SCN11A: variants seen among roughly 807,000 people sequenced by gnomAD.
The protein encoded by SCN11A is sodium channel protein type 11 subunit alpha.
Under a neutral mutation model 162.2 loss-of-function variants are expected in SCN11A, and 122 were observed. The ratio of observed to expected loss-of-function variants is 0.75; its 90% CI spans 0.65 to 0.87. The LOEUF (loss-of-function observed/expected upper bound fraction) is 0.87. Among genes scored for constraint, SCN11A ranks in the 40% least tolerant of loss-of-function variants. The pLI is 0.00. For synonymous variants in SCN11A, 758 were observed against 751.5 expected (o/e 1.01, Z -0.14); for missense variants, 2,015 against 2,181.6 (o/e 0.92, Z 1.52).
At position 38,989,197 on chromosome 3, in the gene SCN11A, T is replaced by G. The variant is rs188931316; in HGVS notation, c.-279-28774A>C. Among the ~76,000 whole-genome samples the G allele has an allele frequency of 1.7e-3, 259 of 152,332 alleles. No homozygotes were observed. The Middle Eastern group carries it at 0.02, about 12-fold the overall frequency. On this transcript the variant is annotated intron_variant, in intron 2 of 29. Transcript: ENST00000302328. ...GTAGCGCTCTGGTCAACAGCCCTAG[T>G]TGAGCATCCACCTAGCAGCCAGCAT...
chr3:38,851,880 T>C (rs1039176075), intron 28 of SCN11A, among the ~76,000 whole-genome samples: 27 of 152,090 alleles, frequency 1.8e-4, no homozygotes, highest in African/African-American at 6.0e-4. Context: ...GCAAGAACCG[T>C]CAGAGAATTC....
chr3:39,036,511 G>A (rs1184327531), intron 1 of SCN11A, among the ~76,000 whole-genome samples: 5 of 152,134 alleles, frequency 3.3e-5, no homozygotes, highest in African/African-American at 4.8e-5. Flanking sequence ...GTGGGATCAC[G>A]TCAAGCTAAA....
chr3:38,911,676 T>C (rs2065889321), intron 11 of SCN11A, among the ~76,000 whole-genome samples: 1 of 152,224 alleles, frequency 6.6e-6, no homozygotes, highest in Admixed American at 6.5e-5. Flanking sequence ...TCTCAAATTT[T>C]CTGTTCTCTT....
chr3:39,041,035 T>C (rs1164938919), intron 1 of SCN11A, among the ~76,000 whole-genome samples: 2 of 152,158 alleles, frequency 1.3e-5, no homozygotes, highest in Admixed American at 6.5e-5. Context: ...TGAGCTGAGA[T>C]AGCGCCACTG....
intron 2 of SCN11A, among the ~76,000 whole-genome samples, chr3:39,014,016 T>C (rs898532947): frequency 5.9e-5 from 9 of 152,254 alleles, no homozygotes; most frequent in African/African-American, 2.2e-4. Context: ...TCACATCCTT[T>C]TTCCATTACC....
intron 22 of SCN11A, among the ~76,000 whole-genome samples, chr3:38,881,543 G>T (rs1347548669): frequency 4.6e-5 from 7 of 152,104 alleles, no homozygotes; most frequent in Non-Finnish European, 7.4e-5. Flanking sequence ...TTCTGACACA[G>T]GAAGCTCTTA....
chr3:38,980,121 C>CA (rs1491520052), intron 2 of SCN11A, among the ~76,000 whole-genome samples: 1 of 152,056 alleles, frequency 6.6e-6, no homozygotes, highest in Non-Finnish European at 1.5e-5. Flanking sequence ...AGGAAGCTCT[C>CA]AGAGGTGCAG....
chr3:38,873,384 C>T (rs1311670394), intron 23 of SCN11A, among the ~76,000 whole-genome samples: 1 of 152,086 alleles, frequency 6.6e-6, no homozygotes, highest in Non-Finnish European at 1.5e-5. Context: ...TTGCCAACCT[C>T]ATTGTAGTAG....
At chr3:38,984,408 C>A (rs1387776618) in intron 2 of SCN11A, among the ~76,000 whole-genome samples, 1 of 152,076 alleles carries the variant, frequency 6.6e-6, no homozygotes, top group Non-Finnish European at 1.5e-5. Flanking sequence ...ACCCTAAATC[C>A]AATATGGCAC....
intron 7 of SCN11A, among the ~76,000 whole-genome samples, chr3:38,942,921 G>C (rs1421907293): frequency 2.0e-5 from 3 of 152,142 alleles, no homozygotes; most frequent in Non-Finnish European, 2.9e-5. Flanking sequence ...CAGTTTATTA[G>C]AAAGTTACAT....
intron 2 of SCN11A, among the ~76,000 whole-genome samples, chr3:38,971,194 G>T (rs1415461528): frequency 1.3e-5 from 2 of 150,580 alleles, no homozygotes; most frequent in Admixed American, 1.3e-4. Flanking sequence ...TCTGTCTGCC[G>T]CCCAGGTTGG....
intron 25 of SCN11A, 110 bp downstream of exon 25, chr3:38,871,335 T>G: frequency 9.2e-7 from 1 of 1,089,262 alleles, no homozygotes. Context: ...GAATTAGGAT[T>G]TGCTTCTATT....
intron 28 of SCN11A, among the ~76,000 whole-genome samples, chr3:38,859,752 A>G (rs2064932620): frequency 6.6e-6 from 1 of 152,200 alleles, no homozygotes; most frequent in African/African-American, 2.4e-5. Context: ...AACTTTGGGA[A>G]GGAATTCAGT....
At chr3:39,004,032 C>T (rs2030895645) in intron 2 of SCN11A, among the ~76,000 whole-genome samples, 1 of 152,090 alleles carries the variant, frequency 6.6e-6, no homozygotes, top group Non-Finnish European at 1.5e-5. Flanking sequence ...TAATTAGATC[C>T]CACCTGTCAA....
intron 2 of SCN11A, among the ~76,000 whole-genome samples, chr3:38,992,982 A>C (rs1302334806): frequency 1.3e-5 from 2 of 152,262 alleles, no homozygotes; most frequent in African/African-American, 4.8e-5. Flanking sequence ...GGTCAGGTAC[A>C]GACATCCCCG....
At chr3:38,964,573 G>A (rs554066445) in intron 2 of SCN11A, among the ~76,000 whole-genome samples, 2 of 152,332 alleles carry the variant, frequency 1.3e-5, no homozygotes, top group South Asian at 4.1e-4. Flanking sequence ...TATGGCTTCC[G>A]AGAAGAGGTG....
At chr3:38,978,233 C>G (rs2066860852) in intron 2 of SCN11A, among the ~76,000 whole-genome samples, 1 of 152,198 alleles carries the variant, frequency 6.6e-6, no homozygotes, top group Non-Finnish European at 1.5e-5. Flanking sequence ...GCCATTTTTG[C>G]CACTTCTACC....
intron 2 of SCN11A, among the ~76,000 whole-genome samples, chr3:38,963,406 AT>A (rs2066758449): frequency 1.6e-5 from 1 of 63,246 alleles, no homozygotes; most frequent in Non-Finnish European, 2.7e-5. Flanking sequence ...ATATATATAT[AT>A]ATATATATAT....
intron 2 of SCN11A, among the ~76,000 whole-genome samples, chr3:39,020,163 A>T (rs746579061): frequency 2.0e-5 from 3 of 152,246 alleles, no homozygotes; most frequent in Non-Finnish European, 4.4e-5. Context: ...AAATAAAGAT[A>T]ATAAGTATCT....
Sources: gnomAD v4.1 joint callset for allele counts (sites outside exome capture counted in the v4.1 genomes callset) on GRCh38, gnomAD v4.1.1 for gene constraint, MANE v1.5 for transcripts, NCBI Gene and HGNC (gene_info 2026-07-23, HGNC 2026-07-21) for gene names.